The following PDLIM7 variants were observed in gnomAD, a reference collection of about 807,000 sequenced individuals.
PDLIM7 encodes PDZ and LIM domain protein 7.
Under a neutral mutation model 53.9 loss-of-function variants are expected in PDLIM7, and 37 were observed. The observed-to-expected ratio is 0.69, with a 90% CI of 0.53 to 0.90. PDLIM7 has a LOEUF of 0.90. Among genes scored for constraint, PDLIM7 ranks in the 40% least tolerant of loss-of-function variants. PDLIM7 has a pLI of 0.00. For synonymous variants in PDLIM7, 300 were observed against 261.3 expected, an observed-to-expected ratio of 1.15 and a Z score of -1.43; for missense variants, 617 against 638.5, an observed-to-expected ratio of 0.97 and a Z score of 0.36.
At position 177,492,519 on chromosome 5, in the gene PDLIM7, C is replaced by T. The variant is rs199813043; in HGVS notation, c.248+7G>A. 69 of 1,613,686 alleles carry T rather than the reference C, an allele frequency of 4.3e-5. No homozygotes were observed. Among genetic ancestry groups the T allele is most frequent in the African/African-American group, 1.3e-5 (1 of 75,060 alleles). On this transcript the variant is annotated splice_region_variant and intron_variant, in intron 3 of 12. Coordinates refer to ENST00000355841, the MANE Select transcript of PDLIM7 (RefSeq NM_005451.5). ...GCGGGCGCACCCATCCATGTCCACC[C>T]GCATACCTGCTGAGGCCCAGGCTGA...
intron 7 of PDLIM7, 52 bp downstream of exon 7, chr5:177,490,818 C>A: frequency 6.2e-7 from 1 of 1,602,244 alleles, no homozygotes. Context: ...AGGGCAGTAG[C>A]TGGAATGGAA....
Position 177,484,092 on chromosome 5 carries a change from C to T in PDLIM7, c.1149G>A (p.Glu383=). Residue 383 remains glutamate (E), a synonymous_variant, in exon 11 of 13, where the codon GAG becomes GAA. Transcript: ENST00000355841. ...TACCTCGCTCGCAATAGGGCACGCC[C>T]TCCTCCATGTAGAAGGCCCTGTTCC... ...PIRNRAFYME[E]GVPYCERDYE... 1 of 1,614,074 alleles carries T rather than the reference C, an allele frequency of 6.2e-7. No homozygotes were observed. Among genetic ancestry groups the T allele is most frequent in the Non-Finnish European group, 8.5e-7 (1 of 1,180,000 alleles).
At position 177,492,442 on chromosome 5, in the gene PDLIM7, G is replaced by C; in HGVS notation, c.249-7C>G. 1 of 1,613,696 alleles carries C rather than the reference G, an allele frequency of 6.2e-7. No individual in the cohort carries two copies. Among genetic ancestry groups the C allele is most frequent in the Non-Finnish European group, 8.5e-7 (1 of 1,179,802 alleles). On this transcript the variant is annotated splice_region_variant and splice_polypyrimidine_tract_variant and intron_variant, in intron 3 of 12. Coordinates refer to ENST00000355841, the MANE Select transcript of PDLIM7 (RefSeq NM_005451.5). ...GCTCTGAACCGGCTGGGCCCTGGAGGAGAAGGAAAGCGTGACAGCGGGCCG... is the reference window on the plus strand; with the variant it reads ...GCTCTGAACCGGCTGGGCCCTGGAGCAGAAGGAAAGCGTGACAGCGGGCCG...
In PDLIM7 at chr5:177,489,419, C is replaced by T. The variant is rs1382709920; in HGVS notation, c.843G>A (p.Val281=). The T allele has an allele frequency of 6.3e-7, 1 of 1,595,968 alleles. No homozygotes were observed. Among genetic ancestry groups the T allele is most frequent in the East Asian group, 2.3e-5 (1 of 44,356 alleles). ...GGATGACCTTGTGGCACTGGTGACA[C>T]ACGGGAGTCTTGCCGTTGTTGCTGC... ...GGGSNNGKTP[V]CHQCHKVIRG... The change falls in exon 9 of 13, where the codon GTG becomes GTA. Residue 281 remains valine, a synonymous_variant. Transcript: ENST00000355841.
At chr5:177,493,845 CT>C (rs1561706017) in intron 2 of PDLIM7, among the ~76,000 whole-genome samples, 1 of 152,162 alleles carries the variant, frequency 6.6e-6, no homozygotes, top group Non-Finnish European at 1.5e-5. Context: ...GGGGTCCAGG[CT>C]GCCAGTGGCC....
rs770018470 is a variant in PDLIM7, at chr5:177,492,413, G to A, written c.271C>T (p.Pro91Ser). The change falls in exon 4 of 13, where the codon CCG (proline) becomes TCG (serine). Residue 91 changes from proline (P) to serine (S), a missense_variant. Physicochemically the swap from Pro to Ser is moderately conservative, Grantham distance 74. Transcript: ENST00000355841. Reference protein sequence around the residue: ...LSRAQPVQSKPQKASAPAADP... With the variant: ...LSRAQPVQSKSQKASAPAADP... ...CCCGGCCAGCCTCGTACCTTCTGCG[G>A]TTTGCTCTGAACCGGCTGGGCCCTG... is the stretch of plus-strand genomic sequence containing the variant. 6.2e-7 allele frequency: 1 copy of A among 1,613,602 alleles called. No individual in the cohort carries two copies.
intron 7 of PDLIM7, 71 bp from the exon 8 acceptor site, chr5:177,489,903 C>A: frequency 6.5e-7 from 1 of 1,542,878 alleles, no homozygotes; most frequent in South Asian, 1.2e-5. Flanking sequence ...CAACCTGGGT[C>A]CTGCTGGCCC....
chr5:177,492,157 C>G (rs1758830356), intron 4 of PDLIM7: 1 of 611,960 alleles, frequency 1.6e-6, no homozygotes, highest in Non-Finnish European at 2.8e-6. Context: ...TGCGGGCGAG[C>G]ACGCAGCGCC....
At chr5:177,484,667 A>AGCT (rs1758348041) in intron 10 of PDLIM7, among the ~76,000 whole-genome samples, 1 of 152,202 alleles carries the variant, frequency 6.6e-6, no homozygotes, top group South Asian at 2.1e-4. Flanking sequence ...CTCTGATCCC[A>AGCT]GCTGCCACAG....
At chr5:177,488,913 C>T (rs1039703832) in intron 9 of PDLIM7, among the ~76,000 whole-genome samples, 2 of 150,514 alleles carry the variant, frequency 1.3e-5, no homozygotes, top group African/African-American at 4.9e-5. Context: ...AAAGAGCTGA[C>T]AGAGATGAGA....
chr5:177,491,513 G>C (rs970967032), intron 5 of PDLIM7: 2 of 1,028,532 alleles, frequency 1.9e-6, no homozygotes, highest in East Asian at 2.6e-5. Flanking sequence ...AACAGCCGGG[G>C]ACAAGGCGGC....
intron 1 of PDLIM7, chr5:177,496,833 C>T (rs759892929): frequency 5.1e-6 from 1 of 197,816 alleles, no homozygotes; most frequent in Non-Finnish European, 1.0e-5. Context: ...GGCCTCCCCC[C>T]AAGCCAGCCT....
At chr5:177,495,519 G>A (rs987433144) in intron 2 of PDLIM7, among the ~76,000 whole-genome samples, 4 of 152,194 alleles carry the variant, frequency 2.6e-5, no homozygotes, top group African/African-American at 4.8e-5. Flanking sequence ...CACCCACTCT[G>A]GGCAGGCAAT....
Position 177,492,608 on chromosome 5 carries a change from C to T in PDLIM7, c.166G>A (p.Glu56Lys), listed in dbSNP as rs376772527. The change falls in exon 3 of 13, where the codon GAG (glutamate) becomes AAG (lysine). Residue 56 changes from glutamate (E) to lysine (K), a missense_variant. Transcript: ENST00000355841. The part of the protein sequence containing the change: ...VGDWVLSIDG[E>K]NAGSLTHIEA... ...ATGTGTGTGAGGCTACCCGCATTCT[C>T]GCCATCGATGCTCAGCACCCAGTCA... is the stretch of plus-strand genomic sequence containing the variant. The T allele has an allele frequency of 1.8e-5, 29 of 1,612,444 alleles. No homozygotes were observed. Among genetic ancestry groups the T allele is most frequent in the Non-Finnish European group, 2.4e-5 (28 of 1,180,002 alleles).
At chr5:177,485,375 C>A (rs926039964) in intron 10 of PDLIM7, among the ~76,000 whole-genome samples, 5 of 152,178 alleles carry the variant, frequency 3.3e-5, no homozygotes, top group African/African-American at 9.7e-5. Context: ...CCAGCCAGGG[C>A]CAGCAGTATT....
chr5:177,486,574 G>C (rs1302389962), intron 10 of PDLIM7, among the ~76,000 whole-genome samples: 2 of 151,278 alleles, frequency 1.3e-5, no homozygotes, highest in Non-Finnish European at 2.9e-5. Context: ...GCTGGTGGGA[G>C]AGGGGGCTCT....
chr5:177,490,712 G>GGGAAGGAAGGAAGGAA lies in PDLIM7; in HGVS notation c.572+142_572+157dup, dbSNP rs573434723. 5.1e-5 allele frequency: 32 copies of GGGAAGGAAGGAAGGAA among 631,024 alleles called. No individual in the cohort carries two copies. In the African/African-American group the frequency reaches 5.9e-4, roughly 12 times the overall value. The allele number at this position is 631,024 out of a possible 1,614,324, so 39.1% of individuals were successfully genotyped here. Reference sequence around the variant, plus strand: ...AATGAAAGAAGGAAGGAAGGAGGAAGGGAAGGAAGGAAGGAAGGAAGGAAG... The same window carrying GGGAAGGAAGGAAGGAA: ...AATGAAAGAAGGAAGGAAGGAGGAAGGGAAGGAAGGAAGGAAGGAAGGAAGGAAGGAAGGAAGGAAG... On this transcript the variant is annotated intron_variant, in intron 7 of 12. Transcript: ENST00000355841.
Position 177,491,816 on chromosome 5 carries a change from T to C in PDLIM7, c.389A>G (p.Gln130Arg). 3 of 1,282,614 alleles carry C rather than the reference T, an allele frequency of 2.3e-6. No homozygotes were observed. The South Asian group carries it at 9.1e-5, about 39-fold the overall frequency. The allele number at this position is 1,282,614 out of a possible 1,614,324, so 79.5% of individuals were successfully genotyped here. A position where few individuals can be genotyped will look rare whatever the true frequency, so the allele number is the denominator to read the frequency against. ...GAPPPADSAPQQNGQPLRPLV... is the reference protein window; with the variant it reads ...GAPPPADSAPRQNGQPLRPLV... ...GCAGGGGCCGACGTACCCATTCTGCTGCGGGGCGCTGTCAGCGGGCGGGGG... is the reference window on the plus strand; with the variant it reads ...GCAGGGGCCGACGTACCCATTCTGCCGCGGGGCGCTGTCAGCGGGCGGGGG... The change falls in exon 5 of 13, where the codon CAG (glutamine) becomes CGG (arginine). Residue 130 changes from glutamine (Q) to arginine (R), a missense_variant. By Grantham distance (43) the Gln-to-Arg change is conservative. Transcript: ENST00000355841.
chr5:177,493,104 C>G (rs1758889429), intron 2 of PDLIM7: 1 of 193,608 alleles, frequency 5.2e-6, no homozygotes, highest in Non-Finnish European at 1.1e-5. Context: ...ACTCCACCTA[C>G]CAGATATGCC....
Sources: gnomAD v4.1 joint callset for allele counts (sites outside exome capture counted in the v4.1 genomes callset) on GRCh38, gnomAD v4.1.1 for gene constraint, MANE v1.5 for transcripts, NCBI Gene and HGNC (gene_info 2026-07-23, HGNC 2026-07-21) for gene names.